OXNAD1: variants seen among roughly 807,000 people sequenced by gnomAD.
The protein encoded by OXNAD1 is oxidoreductase NAD-binding domain-containing protein 1.
A neutral mutation model predicts 32.9 loss-of-function variants in OXNAD1; 34 were observed. The ratio of observed to expected loss-of-function variants is 1.03; its 90% CI spans 0.79 to 1.38. The LOEUF (loss-of-function observed/expected upper bound fraction) is 1.38. Among genes scored for constraint, OXNAD1 ranks in the 40% most tolerant of loss-of-function variants. The pLI is 0.00. For missense variants in OXNAD1, 407 were observed against 379.4 expected (o/e 1.07, Z -0.60); for synonymous variants, 134 against 135.2 (o/e 0.99, Z 0.06).
At position 16,303,602 on chromosome 3, in the gene OXNAD1, A is replaced by G. The variant is rs1189952988; in HGVS notation, c.*40A>G. The stretch of plus-strand genomic sequence containing the variant: ...CAGAAAAAATAAAGAGGTGAGATCT[A>G]CTCAGGAGAGCTCCTGTCCTTTGTG... On this transcript the variant is annotated 3_prime_UTR_variant, in exon 9 of 9. Transcript: ENST00000285083. This position sits in a 1 kb window ranked among gnomAD's most constrained non-coding sequence, Gnocchi z 4.8. 8.1e-6 allele frequency: 13 copies of G among 1,597,710 alleles called. No individual in the cohort carries two copies. The highest frequency in any genetic ancestry group is 1.7e-5 in the Admixed American group (1 of 58,456).
chr3:16,282,073 G>A (rs1446794126), intron 4 of OXNAD1, among the ~76,000 whole-genome samples: 1 of 142,310 alleles, frequency 7.0e-6, no homozygotes, highest in Non-Finnish European at 1.5e-5. Flanking sequence ...TAGAGATGTG[G>A]GGTTTTGCCA....
At position 16,321,710 on chromosome 3, in the gene OXNAD1, A is replaced by G. The variant is rs900413816; in HGVS notation, c.*31-15402A>G. On this transcript the variant is annotated intron_variant, in intron 9 of 9. Transcript: ENST00000435829. The surrounding 1 kb of genome is among the most constrained non-coding windows in gnomAD (Gnocchi z 4.8). The stretch of plus-strand genomic sequence containing the variant: ...AGGAAATAATTAGGTACATGGAAAG[A>G]GAAAGCAGTCCACCCAGATGAGTAC... Among the ~76,000 whole-genome samples, 3 of 152,236 alleles carry G rather than the reference A, an allele frequency of 2.0e-5. No individual in the cohort carries two copies. Among genetic ancestry groups the G allele is most frequent in the Non-Finnish European group, 4.4e-5 (3 of 68,030 alleles).
rs1045709739 is a variant in OXNAD1 at position 16,289,825 on chromosome 3, C to T, written c.290+3377C>T. ...ATTGACTCCTCCTTCCTCTGCCTTGCCTCGCTACGCTAAGCAGATTTTATC... is the reference window on the plus strand; with the variant it reads ...ATTGACTCCTCCTTCCTCTGCCTTGTCTCGCTACGCTAAGCAGATTTTATC... On this transcript the variant is annotated intron_variant, in intron 5 of 8. Transcript: ENST00000285083. This position sits in a 1 kb window ranked among gnomAD's most constrained non-coding sequence, Gnocchi z 4.9. Among the ~76,000 whole-genome samples, 1 of 152,254 alleles carries T rather than the reference C, an allele frequency of 6.6e-6. No individual in the cohort carries two copies. Among genetic ancestry groups the T allele is most frequent in the Non-Finnish European group, 1.5e-5 (1 of 68,040 alleles).
At chr3:16,347,911 G>C (rs73142393) in intron 9 of OXNAD1, 3 of 152,130 alleles carry the variant, frequency 2.0e-5, no homozygotes, top group Non-Finnish European at 2.9e-5. Flanking sequence ...TATTAAGGAT[G>C]TGCTGCCAGT....
At position 16,289,323 on chromosome 3, in the gene OXNAD1, C is replaced by T. The variant is rs2066275906; in HGVS notation, c.290+2875C>T. On this transcript the variant is annotated intron_variant, in intron 5 of 8. Transcript: ENST00000285083. This position sits in a 1 kb window ranked among gnomAD's most constrained non-coding sequence, Gnocchi z 4.9. Reference sequence around the variant, plus strand: ...GTGGGGGCTTATCACCACCATGTCACCACTGATGCCCCAGTCAGTACTCAA... The same window carrying T: ...GTGGGGGCTTATCACCACCATGTCATCACTGATGCCCCAGTCAGTACTCAA... Among the ~76,000 whole-genome samples, 1 of 152,064 alleles carries T rather than the reference C, an allele frequency of 6.6e-6. No homozygotes were observed. The highest frequency in any genetic ancestry group is 1.5e-5 in the Non-Finnish European group (1 of 68,002).
chr3:16,327,750 G>C lies in OXNAD1; in HGVS notation c.*31-9362G>C, dbSNP rs1435049054. On this transcript the variant is annotated intron_variant, in intron 9 of 9. Transcript: ENST00000435829. The surrounding 1 kb of genome is among the most constrained non-coding windows in gnomAD (Gnocchi z 4.2). ...CACTCCAGCCTGGGTGACAGAGCGG[G>C]ATTCCCATCTCAAAAAAAAAAACAA... Among the ~76,000 whole-genome samples, 1 of 141,828 alleles carries C rather than the reference G, an allele frequency of 7.1e-6. No individual in the cohort carries two copies. Among genetic ancestry groups the C allele is most frequent in the East Asian group, 2.0e-4 (1 of 4,978 alleles). 93.0% of individuals were successfully genotyped at this position (141,828 alleles called of 152,430 possible).
At chr3:16,341,982 G>C (rs28499153), downstream of OXNAD1, among the ~76,000 whole-genome samples, 7,289 of 152,112 alleles carry the variant, frequency 0.048, 209 homozygotes, top group Middle Eastern at 0.085. The surrounding 1 kb of genome is among the most constrained non-coding windows in gnomAD (Gnocchi z 4.7). Flanking sequence ...TTCTTTTCTT[G>C]ACCTGTATTT....
chr3:16,350,906 C>G (rs926133630), downstream of OXNAD1, among the ~76,000 whole-genome samples: 1 of 152,098 alleles, frequency 6.6e-6, no homozygotes, highest in African/African-American at 2.4e-5. Flanking sequence ...ATATTGGCTC[C>G]CTTGTGAATT....
At chr3:16,285,497 C>T (rs569221242) in intron 4 of OXNAD1, among the ~76,000 whole-genome samples, 4 of 152,162 alleles carry the variant, frequency 2.6e-5, no homozygotes, top group African/African-American at 4.8e-5. Flanking sequence ...GAAGATGTCC[C>T]AGGCTTACAG....
Position 16,280,126 on chromosome 3 carries a change from A to G in OXNAD1, c.184-6216A>G, listed in dbSNP as rs1198424815. 6.6e-6 allele frequency among the ~76,000 whole-genome samples: 1 copy of G among 152,194 alleles called. No homozygotes were observed. The highest frequency in any genetic ancestry group is 1.5e-5 in the Non-Finnish European group (1 of 68,030). The stretch of plus-strand genomic sequence containing the variant: ...AATCAATGTATGTAAAGTGCCTGAC[A>G]TATGGTAAGGATGTCTATAAGTGTT... On this transcript the variant is annotated intron_variant, in intron 4 of 8. Transcript: ENST00000285083. The surrounding 1 kb of genome is among the most constrained non-coding windows in gnomAD (Gnocchi z 4.5).
At chr3:16,313,205 A>ATTTTTTTTTT (rs750491540) in intron 9 of OXNAD1, among the ~76,000 whole-genome samples, 12 of 103,804 alleles carry the variant, frequency 1.2e-4, no homozygotes, top group African/African-American at 3.9e-4. Context: ...CACCCAGCGG[A>ATTTTTTTTTT]TTTTTTTTTT....
chr3:16,306,052 G>C lies in OXNAD1; in HGVS notation c.*2490G>C, dbSNP rs75938913. On this transcript the variant is annotated 3_prime_UTR_variant, in exon 9 of 9. Coordinates refer to ENST00000285083, the MANE Select transcript of OXNAD1 (RefSeq NM_138381.5). ...TCATAAATATTTGTTAATATGCTCAGAGTTGATAAGCTGGATTAAAGTGAC... is the reference window on the plus strand; with the variant it reads ...TCATAAATATTTGTTAATATGCTCACAGTTGATAAGCTGGATTAAAGTGAC... 1 of 152,338 alleles carries C rather than the reference G, an allele frequency of 6.6e-6. No homozygotes were observed. Among genetic ancestry groups the C allele is most frequent in the Non-Finnish European group, 1.5e-5 (1 of 68,034 alleles). The allele number at this position is 152,338 out of a possible 1,614,324, so 9.4% of individuals were successfully genotyped here.
At chr3:16,343,575 C>A (rs1334363283) in intron 9 of OXNAD1, among the ~76,000 whole-genome samples, 2 of 152,188 alleles carry the variant, frequency 1.3e-5, no homozygotes, top group Non-Finnish European at 2.9e-5. Flanking sequence ...CATGGTGGAA[C>A]CTAAGACTCT....
chr3:16,313,466 G>C (rs1381133458), intron 9 of OXNAD1: 5 of 152,142 alleles, frequency 3.3e-5, no homozygotes, highest in African/African-American at 4.8e-5. Flanking sequence ...AACTGCAAGA[G>C]AAGCTGGGGA....
At chr3:16,266,410 C>G (rs1387498606) in intron 1 of OXNAD1, among the ~76,000 whole-genome samples, 3 of 151,952 alleles carry the variant, frequency 2.0e-5, no homozygotes, top group African/African-American at 7.3e-5. Context: ...ACGAGACCAG[C>G]CTGACCAACA....
Position 16,314,718 on chromosome 3 carries a change from TAG to T in OXNAD1, c.*30+11127_*30+11128del, listed in dbSNP as rs1421352095. The stretch of plus-strand genomic sequence containing the variant: ...AATTATTGTCACCTTTTTTTCCCCA[TAG>T]CAAATACAGCCAACATAAATGTCAA... On this transcript the variant is annotated intron_variant, in intron 9 of 9. Coordinates refer to the OXNAD1 transcript ENST00000435829. This position sits in a 1 kb window ranked among gnomAD's most constrained non-coding sequence, Gnocchi z 4.4. 1 of 152,144 alleles carries T rather than the reference TAG, an allele frequency of 6.6e-6. No individual in the cohort carries two copies. The highest frequency in any genetic ancestry group is 1.5e-5 in the Non-Finnish European group (1 of 68,014). 9.4% of individuals were successfully genotyped at this position (152,144 alleles called of 1,614,324 possible).
At chr3:16,318,007 C>A (rs544075121) in intron 9 of OXNAD1, among the ~76,000 whole-genome samples, 21 of 152,332 alleles carry the variant, frequency 1.4e-4, no homozygotes, top group Non-Finnish European at 2.5e-4. Flanking sequence ...CTAAAAACTT[C>A]CAATCTCAGA....
rs1575068315 is a variant in OXNAD1 at position 16,344,162 on chromosome 3, T to C, written c.*31-5014T>C. 1.3e-5 allele frequency among the ~76,000 whole-genome samples: 2 copies of C among 152,358 alleles called. No individual in the cohort carries two copies. Among genetic ancestry groups the C allele is most frequent in the African/African-American group, 2.4e-5 (1 of 41,596 alleles). ...TGCTTCATTCTATATTATTGACTTT[T>C]TGGAGCTTAAATACAATTTGTTGAT... On this transcript the variant is annotated intron_variant, in intron 9 of 9. Transcript: ENST00000606098. This position sits in a 1 kb window ranked among gnomAD's most constrained non-coding sequence, Gnocchi z 4.4.
At chr3:16,281,895 CTTTTTTT>C (rs1213407558) in intron 4 of OXNAD1, among the ~76,000 whole-genome samples, 7 of 110,550 alleles carry the variant, frequency 6.3e-5, no homozygotes, top group Non-Finnish European at 7.6e-5. Flanking sequence ...AATAACATTT[CTTTTTTT>C]TTTTTTTTTT....
Sources: allele counts gnomAD v4.1 joint callset (sites outside exome capture counted in the v4.1 genomes callset), GRCh38; gene constraint gnomAD v4.1.1; non-coding constraint Gnocchi (gnomAD v3.1); transcripts MANE v1.5; gene names NCBI Gene and HGNC (gene_info 2026-07-23, HGNC 2026-07-21).